TTC29: variants seen among roughly 807,000 people sequenced by gnomAD.
TTC29 encodes the protein tetratricopeptide repeat domain 29, also known as tetratricopeptide repeat protein 29.
A neutral mutation model predicts 58.1 loss-of-function variants in TTC29; 49 were observed. The ratio of observed to expected loss-of-function variants is 0.84; its 90% confidence interval spans 0.67 to 1.07. TTC29 has a LOEUF of 1.07. Among genes scored for constraint, TTC29 ranks in the 50% least tolerant of loss-of-function variants. The pLI is 0.00. For missense variants in TTC29, 582 were observed against 555.6 expected, an observed-to-expected ratio of 1.05 and a Z score of -0.48; for synonymous variants, 209 against 196.8, an observed-to-expected ratio of 1.06 and a Z score of -0.52.
At chr4:146,855,429 T>TCAAA (rs1044368253) in intron 8 of TTC29, among the ~76,000 whole-genome samples, 2 of 152,242 alleles carry the variant, frequency 1.3e-5, no homozygotes, top group East Asian at 3.9e-4. Flanking sequence ...AGAATCCATC[T>TCAAA]CAAACAAACA....
intron 4 of TTC29, among the ~76,000 whole-genome samples, chr4:146,925,018 C>T (rs1734833089): frequency 6.6e-6 from 1 of 151,926 alleles, no homozygotes; most frequent in South Asian, 2.1e-4. Context: ...GGAAGATTTT[C>T]CAAAACTCTT....
At chr4:146,945,406 C>T (rs977266926) in intron 1 of TTC29, 6 of 152,192 alleles carry the variant, frequency 3.9e-5, no homozygotes, top group Non-Finnish European at 8.8e-5. Context: ...GAGAGCATCT[C>T]AGTTCCCTTT....
At chr4:146,908,231 G>A (rs1048641889) in intron 5 of TTC29, among the ~76,000 whole-genome samples, 3 of 151,788 alleles carry the variant, frequency 2.0e-5, no homozygotes, top group African/African-American at 7.3e-5. Flanking sequence ...TGAATCCTGT[G>A]GTATTTTCCC....
chr4:146,843,119 G>A (rs1355345607), intron 8 of TTC29, among the ~76,000 whole-genome samples: 1 of 152,150 alleles, frequency 6.6e-6, no homozygotes, highest in Non-Finnish European at 1.5e-5. Context: ...ATTCAGGGAT[G>A]TTTTAGAGGA....
At chr4:146,725,659 A>G (rs1347826593) in intron 11 of TTC29, among the ~76,000 whole-genome samples, 1 of 152,152 alleles carries the variant, frequency 6.6e-6, no homozygotes, top group Non-Finnish European at 1.5e-5. Context: ...TCTGTCCATT[A>G]TATCTGTCTG....
At chr4:146,710,090 A>C (rs1366822281) in intron 11 of TTC29, among the ~76,000 whole-genome samples, 1 of 152,140 alleles carries the variant, frequency 6.6e-6, no homozygotes, top group African/African-American at 2.4e-5. Context: ...AAATGAGCAA[A>C]GTAATATACA....
chr4:146,884,044 G>T (rs1463163794), intron 6 of TTC29, among the ~76,000 whole-genome samples: 1 of 151,930 alleles, frequency 6.6e-6, no homozygotes, highest in Non-Finnish European at 1.5e-5. Context: ...ATCAAACATG[G>T]TATAATTTTC....
chr4:146,818,574 T>C (rs1382647795), intron 10 of TTC29, among the ~76,000 whole-genome samples: 26 of 152,176 alleles, frequency 1.7e-4, no homozygotes, highest in Non-Finnish European at 1.3e-4. Flanking sequence ...CCCAGATATC[T>C]CATTACTGGG....
In TTC29 at chr4:146,826,699, C is replaced by T. The variant is rs377102892; in HGVS notation, c.978-6451G>A. Reference sequence around the variant, plus strand: ...AATTCTCCTGGATAATATCCTGAAGCGTATTTTCCAGCTTGTTTCCATTCT... The same window carrying T: ...AATTCTCCTGGATAATATCCTGAAGTGTATTTTCCAGCTTGTTTCCATTCT... On this transcript the variant is annotated intron_variant, in intron 9 of 12. Coordinates refer to ENST00000325106, the MANE Select transcript of TTC29 (RefSeq NM_031956.4). 2.9e-4 allele frequency among the ~76,000 whole-genome samples: 44 copies of T among 152,132 alleles called. No individual in the cohort carries two copies. In the East Asian group the frequency reaches 6.6e-3, roughly 23 times the overall value.
Position 146,728,792 on chromosome 4 carries a change from TACGTATATATAC to T in TTC29, c.1331-21253_1331-21242del, listed in dbSNP as rs1221097238. Among the ~76,000 whole-genome samples, 467 of 132,670 alleles carry T rather than the reference TACGTATATATAC, an allele frequency of 3.5e-3. 13 individuals are homozygous for T. The highest frequency in any genetic ancestry group is 5.9e-3 in the Non-Finnish European group (370 of 62,908). 87.0% of individuals were successfully genotyped at this position (132,670 alleles called of 152,430 possible). A position where few individuals can be genotyped will look rare whatever the true frequency, so the allele number is the denominator to read the frequency against. The stretch of plus-strand genomic sequence containing the variant: ...ATATACACATATATATGTGTATATA[TACGTATATATAC>T]ACATATATATGTGTATATATACATA... On this transcript the variant is annotated intron_variant, in intron 11 of 12. Transcript: ENST00000325106.
intron 11 of TTC29, among the ~76,000 whole-genome samples, chr4:146,738,790 TG>T (rs542101101): frequency 1.3e-5 from 2 of 152,042 alleles, no homozygotes; most frequent in Admixed American, 6.5e-5. Flanking sequence ...CCTTATACTC[TG>T]GGGGAAGGAA....
chr4:146,943,167 T>C (rs1440319611), intron 2 of TTC29, among the ~76,000 whole-genome samples: 1 of 134,444 alleles, frequency 7.4e-6, no homozygotes, highest in East Asian at 2.3e-4. Flanking sequence ...AGATCAACTG[T>C]GCTTTTTTTT....
intron 4 of TTC29, among the ~76,000 whole-genome samples, chr4:146,912,014 T>C (rs1268662031): frequency 6.6e-6 from 1 of 152,130 alleles, no homozygotes; most frequent in African/African-American, 2.4e-5. Context: ...GTCAGAGGTG[T>C]CCAGTCTTTT....
intron 4 of TTC29, among the ~76,000 whole-genome samples, chr4:146,929,548 A>C (rs1560729238): frequency 6.6e-6 from 1 of 152,330 alleles, no homozygotes; most frequent in East Asian, 1.9e-4. Flanking sequence ...ATACATGTCT[A>C]AGTCGACAGA....
chr4:146,713,399 ATAGAGT>A (rs1742673043), intron 11 of TTC29, among the ~76,000 whole-genome samples: 2 of 152,124 alleles, frequency 1.3e-5, no homozygotes, highest in South Asian at 4.1e-4. Flanking sequence ...GCCTGAGATT[ATAGAGT>A]TAATCTCACT....
chr4:146,817,253 T>C (rs575700387), intron 10 of TTC29, among the ~76,000 whole-genome samples: 24 of 152,324 alleles, frequency 1.6e-4, no homozygotes, highest in African/African-American at 5.5e-4. Context: ...ACAAAATCAA[T>C]GTGCAAAAAT....
At chr4:146,744,456 A>G (rs1745395112) in intron 11 of TTC29, among the ~76,000 whole-genome samples, 1 of 152,226 alleles carries the variant, frequency 6.6e-6, no homozygotes, top group Non-Finnish European at 1.5e-5. Flanking sequence ...ATAGGTAACC[A>G]GTAGCAGAGA....
intron 6 of TTC29, among the ~76,000 whole-genome samples, chr4:146,884,122 A>G (rs978252692): frequency 6.6e-6 from 1 of 152,134 alleles, no homozygotes; most frequent in African/African-American, 2.4e-5. Flanking sequence ...ACATGTACAC[A>G]TAGTAGATGA....
intron 8 of TTC29, among the ~76,000 whole-genome samples, chr4:146,835,724 T>C (rs1728465999): frequency 6.6e-6 from 1 of 152,138 alleles, no homozygotes; most frequent in Non-Finnish European, 1.5e-5. Context: ...GCTGTGCTTA[T>C]ATTGCACCAC....
Sources: allele counts gnomAD v4.1 joint callset (sites outside exome capture counted in the v4.1 genomes callset), GRCh38; gene constraint gnomAD v4.1.1; transcripts MANE v1.5; gene names NCBI Gene and HGNC (gene_info 2026-07-23, HGNC 2026-07-21).